The following PRKCQ variants were observed in gnomAD, a reference collection of about 807,000 sequenced individuals.
The protein encoded by PRKCQ is protein kinase C theta.
Under a neutral mutation model 91.2 loss-of-function variants are expected in PRKCQ, and 41 were observed. The observed-to-expected ratio is 0.45, with a 90% CI of 0.35 to 0.58. The LOEUF (loss-of-function observed/expected upper bound fraction) is 0.58, where lower values mean the gene tolerates loss of function less well. PRKCQ is among the 20% of genes least tolerant of loss of function. The probability of loss-of-function intolerance (pLI) is 0.00; values close to 1 mark genes in which losing one functional copy is unlikely to be tolerated. For missense variants in PRKCQ, 673 were observed against 896.5 expected, an observed-to-expected ratio of 0.75 and a Z score of 3.18; for synonymous variants, 307 against 316.9, an observed-to-expected ratio of 0.97 and a Z score of 0.33.
chr10:6,526,653 C>T (rs608694), intron 1 of PRKCQ, among the ~76,000 whole-genome samples: 3 of 152,016 alleles, frequency 2.0e-5, no homozygotes, highest in African/African-American at 7.3e-5. Flanking sequence ...TCTGGGAAGG[C>T]GGATGGGCTG....
chr10:6,479,231 A>G, intron 11 of PRKCQ, 66 bp from the exon 12 acceptor site: 1 of 1,556,008 alleles, frequency 6.4e-7, no homozygotes, highest in Non-Finnish European at 8.8e-7. Flanking sequence ...AAAAAGAGAC[A>G]GAGTCCTGAG....
At chr10:6,504,119 A>G (rs1274284740) in intron 4 of PRKCQ, among the ~76,000 whole-genome samples, 1 of 152,222 alleles carries the variant, frequency 6.6e-6, no homozygotes, top group Admixed American at 6.5e-5. Context: ...ATGTACACTT[A>G]ACAGGCATTC....
downstream of PRKCQ, among the ~76,000 whole-genome samples, chr10:6,423,538 A>G (rs1833053237): frequency 6.6e-6 from 1 of 152,154 alleles, no homozygotes; most frequent in African/African-American, 2.4e-5. Context: ...GGAATAACAC[A>G]GGACTGACTG....
chr10:6,403,784 C>G, the PRKCQ span, among the ~76,000 whole-genome samples: 1 of 151,882 alleles, frequency 6.6e-6, no homozygotes, highest in African/African-American at 2.4e-5. Context: ...TTCCCAGTGC[C>G]TAAGACATAG....
chr10:6,476,190 C>A (rs1399632399), intron 12 of PRKCQ, among the ~76,000 whole-genome samples: 1 of 151,784 alleles, frequency 6.6e-6, no homozygotes, highest in Non-Finnish European at 1.5e-5. Flanking sequence ...ATAAGAGGGA[C>A]AGAAACAAAT....
rs1425460239 is a variant in PRKCQ, at chr10:6,498,491, G to C, written c.447C>G (p.Ile149Met). Residue 149 changes from isoleucine to methionine, a missense_variant, in exon 5 of 18, where the codon ATC (isoleucine) becomes ATG (methionine). Transcript: ENST00000263125. ...TGACGTGGTGGACCTTTGCCTGCTT[G>C]ATGGCACCCCGGCGCTGATGCAAAG... ...FFALHQRRGA[I>M]KQAKVHHVKC... The C allele has an allele frequency of 6.2e-7, 1 of 1,614,076 alleles. No individual in the cohort carries two copies. The highest frequency in any genetic ancestry group is 1.7e-5 in the Admixed American group (1 of 60,000).
intron 1 of PRKCQ, among the ~76,000 whole-genome samples, chr10:6,540,095 T>G (rs1055102677): frequency 6.6e-6 from 1 of 152,218 alleles, no homozygotes; most frequent in Non-Finnish European, 1.5e-5. Flanking sequence ...GTTATCTTTC[T>G]TTGTCAGAGT....
At chr10:6,445,166 A>G (rs1834210706) in intron 15 of PRKCQ, among the ~76,000 whole-genome samples, 1 of 149,048 alleles carries the variant, frequency 6.7e-6, no homozygotes, top group Non-Finnish European at 1.5e-5. Flanking sequence ...ACATTCCAGT[A>G]TTTTCTAGGA....
chr10:6,548,455 T>A (rs1357456960), intron 1 of PRKCQ, among the ~76,000 whole-genome samples: 14 of 150,856 alleles, frequency 9.3e-5, no homozygotes, highest in Admixed American at 8.6e-4. Flanking sequence ...GTGGCACTAT[T>A]CACAATAGCA....
In PRKCQ at chr10:6,491,680, C is replaced by A. The variant is rs774278076; in HGVS notation, c.790+3G>T. 1 of 1,614,022 alleles carries A rather than the reference C, an allele frequency of 6.2e-7. No homozygotes were observed. The highest frequency in any genetic ancestry group is 1.7e-5 in the Admixed American group (1 of 60,000). On this transcript the variant is annotated splice_donor_region_variant and intron_variant, in intron 8 of 17. Transcript: ENST00000263125. ...GGCCATGCTCATCCCCCACTGGACT[C>A]ACCATCACACTTGAGTCCTTGCCGT... is the stretch of plus-strand genomic sequence containing the variant.
chr10:6,573,663 T>A (rs1841122928), intron 1 of PRKCQ, among the ~76,000 whole-genome samples: 1 of 152,170 alleles, frequency 6.6e-6, no homozygotes, highest in Non-Finnish European at 1.5e-5. Context: ...AGGGAAAAAA[T>A]TTCAGGATGA....
At chr10:6,524,039 A>G (rs922667012) in intron 1 of PRKCQ, among the ~76,000 whole-genome samples, 1 of 152,116 alleles carries the variant, frequency 6.6e-6, no homozygotes, top group Non-Finnish European at 1.5e-5. Flanking sequence ...GGTTCCCTGA[A>G]TATCTGTCTC....
intron 1 of PRKCQ, among the ~76,000 whole-genome samples, chr10:6,560,255 A>G (rs1327246): frequency 0.91 from 137,919 of 152,232 alleles, 63,216 homozygotes; most frequent in East Asian, 1. Flanking sequence ...ATCCTAGCTG[A>G]CAGCATTTCA....
intron 11 of PRKCQ, among the ~76,000 whole-genome samples, chr10:6,481,483 A>T (rs1394920222): frequency 6.6e-6 from 1 of 152,220 alleles, no homozygotes; most frequent in Non-Finnish European, 1.5e-5. Flanking sequence ...ATTGCCTATT[A>T]TGCTCAGATT....
intron 16 of PRKCQ, among the ~76,000 whole-genome samples, chr10:6,440,414 C>T (rs769299892): frequency 3.3e-5 from 5 of 152,204 alleles, no homozygotes; most frequent in Non-Finnish European, 5.9e-5. Flanking sequence ...TCTGCAGAAC[C>T]TAGTAGAGTG....
chr10:6,559,347 C>G (rs908669222), intron 1 of PRKCQ, among the ~76,000 whole-genome samples: 2 of 152,008 alleles, frequency 1.3e-5, no homozygotes, highest in African/African-American at 4.8e-5. Context: ...TTTTCTAGAT[C>G]ATCTAGTGAC....
intron 16 of PRKCQ, among the ~76,000 whole-genome samples, chr10:6,433,736 A>C (rs10906557): frequency 0.41 from 62,364 of 151,922 alleles, 14,411 homozygotes; most frequent in East Asian, 0.77. Context: ...TTGATGTTTT[A>C]GAAGCAAAGA....
At chr10:6,566,102 AC>A (rs1840826696) in intron 1 of PRKCQ, among the ~76,000 whole-genome samples, 1 of 152,154 alleles carries the variant, frequency 6.6e-6, no homozygotes, top group Non-Finnish European at 1.5e-5. Flanking sequence ...GGTTATCATA[AC>A]CTTCCTTGTG....
At chr10:6,447,914 A>G (rs1301859913) in intron 15 of PRKCQ, among the ~76,000 whole-genome samples, 1 of 152,184 alleles carries the variant, frequency 6.6e-6, no homozygotes, top group Non-Finnish European at 1.5e-5. Flanking sequence ...GGCACTGAGG[A>G]GGGAGAACAC....
Sources: allele counts gnomAD v4.1 joint callset (sites outside exome capture counted in the v4.1 genomes callset), GRCh38; gene constraint gnomAD v4.1.1; transcripts MANE v1.5; gene names NCBI Gene and HGNC (gene_info 2026-07-23, HGNC 2026-07-21).